Variants in PKD1L3 observed in about 807,000 individuals in gnomAD.
The protein encoded by PKD1L3 is polycystin 1 like 3, transient receptor potential channel interacting, also known as polycystin-1-like protein 3.
PKD1L3 carries 239 observed loss-of-function variants against 184.1 expected under a neutral mutation model. The ratio of observed to expected loss-of-function variants is 1.30; its 90% CI spans 1.17 to 1.45. The LOEUF is 1.45. Ranked by LOEUF, PKD1L3 falls within the 40% of genes most tolerant of loss-of-function variation. The probability of loss-of-function intolerance (pLI) is 0.00; values close to 1 mark genes in which losing one functional copy is unlikely to be tolerated. For missense variants in PKD1L3, 2,660 were observed against 2,067.2 expected (o/e 1.29, Z -5.56); for synonymous variants, 996 against 778.8 (o/e 1.28, Z -4.64).
chr16:71,985,773 C>T (rs1335764006), intron 5 of PKD1L3, among the ~76,000 whole-genome samples: 1 of 152,110 alleles, frequency 6.6e-6, no homozygotes, highest in Admixed American at 6.6e-5. Flanking sequence ...TGCTACGTTG[C>T]CCAGTCTGGT....
intron 11 of PKD1L3, among the ~76,000 whole-genome samples, chr16:71,975,611 T>C (rs558176903): frequency 6.6e-6 from 1 of 152,336 alleles, no homozygotes; most frequent in South Asian, 2.1e-4. Context: ...CATGTTATTA[T>C]GAAAATCTTC....
intron 24 of PKD1L3, among the ~76,000 whole-genome samples, chr16:71,940,119 A>AATAT (rs60648009): frequency 1.3e-4 from 19 of 151,306 alleles, no homozygotes; most frequent in African/African-American, 2.7e-4. Flanking sequence ...ACTGAAAGTC[A>AATAT]ATATATATAT....
At chr16:71,945,094 C>T (rs12926300) in intron 22 of PKD1L3, among the ~76,000 whole-genome samples, 118,551 of 150,136 alleles carry the variant, frequency 0.79, 47,093 homozygotes, top group East Asian at 0.98. Flanking sequence ...TTTAAATGCT[C>T]ATTCCTGATT....
At chr16:71,975,686 C>A (rs144600738) in intron 11 of PKD1L3, among the ~76,000 whole-genome samples, 1 of 152,266 alleles carries the variant, frequency 6.6e-6, no homozygotes, top group African/African-American at 2.4e-5. Flanking sequence ...CAATTAACAT[C>A]CTACTAAGTC....
At chr16:71,955,455 G>A (rs1299176136) in intron 16 of PKD1L3, among the ~76,000 whole-genome samples, 2 of 151,980 alleles carry the variant, frequency 1.3e-5, no homozygotes, top group South Asian at 4.2e-4. Flanking sequence ...AAAAAAAGGG[G>A]TGTATATAAA....
intron 22 of PKD1L3, 80 bp downstream of exon 22, chr16:71,947,409 GGTT>G: frequency 1.1e-6 from 1 of 871,558 alleles, no homozygotes; most frequent in Non-Finnish European, 1.8e-6. Context: ...CCTTTGAATG[GGTT>G]AATTTATCGA....
intron 11 of PKD1L3, among the ~76,000 whole-genome samples, chr16:71,973,906 G>A (rs954816453): frequency 6.6e-6 from 1 of 151,958 alleles, no homozygotes; most frequent in Admixed American, 6.6e-5. Context: ...GGAGGCTGAG[G>A]CAGGAAAATT....
chr16:71,998,706 C>T (rs2040872621), intron 1 of PKD1L3, among the ~76,000 whole-genome samples: 3 of 152,218 alleles, frequency 2.0e-5, no homozygotes, highest in Admixed American at 2.0e-4. Flanking sequence ...CCACCTCCAC[C>T]TTCCAAAGTG....
At chr16:71,954,954 G>A (rs1032437269) in intron 16 of PKD1L3, among the ~76,000 whole-genome samples, 1 of 152,108 alleles carries the variant, frequency 6.6e-6, no homozygotes, top group African/African-American at 2.4e-5. Context: ...TTCATTGCTA[G>A]AAGCCAGTGT....
intron 29 of PKD1L3, 94 bp downstream of exon 29, chr16:71,929,958 T>G: frequency 2.9e-6 from 4 of 1,362,278 alleles, no homozygotes; most frequent in Non-Finnish European, 3.9e-6. Context: ...ATACTGTGCA[T>G]TATAAATTAT....
chr16:71,991,826 C>G (rs995812709), intron 3 of PKD1L3, among the ~76,000 whole-genome samples: 1 of 152,138 alleles, frequency 6.6e-6, no homozygotes, highest in African/African-American at 2.4e-5. Context: ...TTACAAAAAA[C>G]TTTTACAAGC....
chr16:71,935,812 C>T (rs1398499465), intron 25 of PKD1L3, among the ~76,000 whole-genome samples: 1 of 152,190 alleles, frequency 6.6e-6, no homozygotes, highest in African/African-American at 2.4e-5. Flanking sequence ...TTCTTTGAGA[C>T]AGGGTCGCGC....
chr16:71,964,849 A>ATT (rs35311851), intron 15 of PKD1L3, among the ~76,000 whole-genome samples: 187 of 137,616 alleles, frequency 1.4e-3, no homozygotes, highest in East Asian at 3.0e-3. Flanking sequence ...ATATATATGT[A>ATT]TTTTTTTTTT....
chr16:71,934,839 T>C (rs957132595), intron 26 of PKD1L3, among the ~76,000 whole-genome samples: 2 of 152,144 alleles, frequency 1.3e-5, no homozygotes, highest in African/African-American at 2.4e-5. Flanking sequence ...ATGCAAAGGT[T>C]AGCAAAGCAC....
intron 13 of PKD1L3, among the ~76,000 whole-genome samples, chr16:71,968,293 C>T (rs993518069): frequency 1.3e-5 from 2 of 152,208 alleles, no homozygotes; most frequent in Non-Finnish European, 2.9e-5. Flanking sequence ...CACTTAGGTA[C>T]AGTCACCAGA....
In PKD1L3 at chr16:71,999,674, A is replaced by C. The variant is rs773083573; in HGVS notation, c.295+10T>G. On this transcript the variant is annotated intron_variant, in intron 1 of 29. Coordinates refer to ENST00000620267, the MANE Select transcript of PKD1L3 (RefSeq NM_181536.2). Reference sequence around the variant, plus strand: ...GTTTCCTTCATAAACACTGAACCCCAGGGTCTTACCTGGGTATTTGTTGTC... The same window carrying C: ...GTTTCCTTCATAAACACTGAACCCCCGGGTCTTACCTGGGTATTTGTTGTC... 77 of 1,518,574 alleles carry C rather than the reference A, an allele frequency of 5.1e-5. No homozygotes were observed. Among genetic ancestry groups the C allele is most frequent in the Non-Finnish European group, 3.5e-5 (40 of 1,128,526 alleles). The allele number at this position is 1,518,574 out of a possible 1,614,324, so 94.1% of individuals were successfully genotyped here.
Position 71,990,312 on chromosome 16 carries a change from T to G in PKD1L3, c.553A>C (p.Thr185Pro), listed in dbSNP as rs1007791606. ...KMPPGPGHLP[T>P]TCHYPLPAHL... ...GCAGGAAGAGGATAGTGACATGTGG[T>G]TGGAAGATGACCAGGTCCTATAGAA... Residue 185 changes from threonine (T) to proline (P), a missense_variant, in exon 4 of 30, where the codon ACC (threonine) becomes CCC (proline). Coordinates refer to ENST00000620267, the MANE Select transcript of PKD1L3 (RefSeq NM_181536.2). The G allele has an allele frequency of 1.3e-6, 2 of 1,548,376 alleles. No individual in the cohort carries two copies. Among genetic ancestry groups the G allele is most frequent in the African/African-American group, 2.7e-5 (2 of 72,954 alleles).
chr16:71,967,802 A>T, intron 14 of PKD1L3, 104 bp downstream of exon 14: 1 of 913,252 alleles, frequency 1.1e-6, no homozygotes, highest in East Asian at 2.7e-5. Flanking sequence ...ACCAATCTCT[A>T]GTCTCTTTTA....
rs1274111102 is a variant in PKD1L3, at chr16:71,999,642, T to C, written c.295+42A>G. Reference sequence around the variant, plus strand: ...TTTTTTTCTGTCCCAGAATAAAATATAAGGAAGTTTCCTTCATAAACACTG... The same window carrying C: ...TTTTTTTCTGTCCCAGAATAAAATACAAGGAAGTTTCCTTCATAAACACTG... On this transcript the variant is annotated intron_variant, in intron 1 of 29. Coordinates refer to ENST00000620267, the MANE Select transcript of PKD1L3 (RefSeq NM_181536.2). 7 of 1,411,832 alleles carry C rather than the reference T, an allele frequency of 5.0e-6. No homozygotes were observed. The African/African-American group carries it at 1.0e-4, about 21-fold the overall frequency. The allele number at this position is 1,411,832 out of a possible 1,614,324, so 87.5% of individuals were successfully genotyped here. A position where few individuals can be genotyped will look rare whatever the true frequency, so the allele number is the denominator to read the frequency against.
Sources: gnomAD v4.1 joint callset for allele counts (sites outside exome capture counted in the v4.1 genomes callset) on GRCh38, gnomAD v4.1.1 for gene constraint, MANE v1.5 for transcripts, NCBI Gene and HGNC (gene_info 2026-07-23, HGNC 2026-07-21) for gene names.